Variants in DDX46 observed in about 807,000 individuals in gnomAD.
DDX46 encodes probable ATP-dependent RNA helicase DDX46.
A neutral mutation model predicts 134.9 loss-of-function variants in DDX46; 30 were observed. The observed-to-expected ratio is 0.22, with a 90% confidence interval of 0.17 to 0.30. The LOEUF is 0.30. Ranked by LOEUF, DDX46 falls within the 10% of genes least tolerant of loss-of-function variation. The probability of loss-of-function intolerance (pLI) is 1.00; values close to 1 mark genes in which losing one functional copy is unlikely to be tolerated. For missense variants in DDX46, 622 were observed against 1,248.7 expected (o/e 0.50, Z 7.56); for synonymous variants, 415 against 404.1 (o/e 1.03, Z -0.32).
Position 134,827,693 on chromosome 5 carries a change from G to A in DDX46, c.3051+673G>A, listed in dbSNP as rs1442903244. On this transcript the variant is annotated intron_variant, in intron 22 of 22. Transcript: ENST00000452510. ...CTTCACTCAACATTTTGAGGAGATC[G>A]GTCCATGTTATTGCATGTAGCAATA... Among the ~76,000 whole-genome samples, 5 of 151,836 alleles carry A rather than the reference G, an allele frequency of 3.3e-5. No homozygotes were observed. In the East Asian group the frequency reaches 7.7e-4, roughly 23 times the overall value.
At chr5:134,786,593 C>G (rs549392588) in intron 11 of DDX46, among the ~76,000 whole-genome samples, 2 of 152,100 alleles carry the variant, frequency 1.3e-5, no homozygotes, top group South Asian at 4.2e-4. Context: ...GCCTGTAATC[C>G]CAGCGCTTTG....
chr5:134,783,793 C>T (rs1022996819), intron 9 of DDX46, among the ~76,000 whole-genome samples: 10 of 151,132 alleles, frequency 6.6e-5, no homozygotes, highest in Admixed American at 2.0e-4. Flanking sequence ...AGATGATCCA[C>T]CCGCTGCGGC....
intron 15 of DDX46, chr5:134,805,160 A>G (rs1754944928): frequency 5.9e-6 from 1 of 170,922 alleles, no homozygotes. Context: ...AACACCCCTG[A>G]AAGAAGAACT....
chr5:134,809,819 A>C (rs543955828), intron 16 of DDX46, among the ~76,000 whole-genome samples: 1 of 152,124 alleles, frequency 6.6e-6, no homozygotes, highest in Non-Finnish European at 1.5e-5. Context: ...GACCAGCCTG[A>C]CCAACATGGA....
At chr5:134,823,157 C>CTTTTTTTTT (rs201053941) in intron 21 of DDX46, among the ~76,000 whole-genome samples, 2 of 111,220 alleles carry the variant, frequency 1.8e-5, no homozygotes. Context: ...TTAATTTCAT[C>CTTTTTTTTT]TTTTTTTTTT....
chr5:134,774,029 G>A (rs945548461), intron 5 of DDX46, among the ~76,000 whole-genome samples, 168 bp downstream of exon 5: 1 of 152,108 alleles, frequency 6.6e-6, no homozygotes, highest in South Asian at 2.1e-4. Flanking sequence ...TACATTTGCA[G>A]TGTTGTGCAG....
chr5:134,807,378 C>T (rs1044132241), intron 15 of DDX46, among the ~76,000 whole-genome samples: 2 of 152,030 alleles, frequency 1.3e-5, no homozygotes, highest in African/African-American at 2.4e-5. Context: ...TGGACAAAAC[C>T]GAGTAGCAAG....
At chr5:134,814,460 G>A (rs544936374) in intron 18 of DDX46, among the ~76,000 whole-genome samples, 3 of 152,288 alleles carry the variant, frequency 2.0e-5, no homozygotes, top group South Asian at 4.1e-4. Context: ...AGCTCTACCA[G>A]CTAGCATTGT....
chr5:134,831,047 TG>T lies in DDX46; in HGVS notation c.*2342del, dbSNP rs1295140740. On this transcript the variant is annotated 3_prime_UTR_variant, in exon 23 of 23. Transcript: ENST00000452510. ...TAAAATTTGAATGATATATAGACTT[TG>T]TTTTTTTAATGCAATATGAATATTT... is the stretch of plus-strand genomic sequence containing the variant. The T allele has an allele frequency of 1.3e-5, 2 of 152,456 alleles. No homozygotes were observed. Among genetic ancestry groups the T allele is most frequent in the African/African-American group, 2.4e-5 (1 of 41,468 alleles). The allele number at this position is 152,456 out of a possible 1,614,324, so 9.4% of individuals were successfully genotyped here.
chr5:134,767,144 T>G, intron 3 of DDX46, 84 bp downstream of exon 3: 1 of 1,479,088 alleles, frequency 6.8e-7, no homozygotes, highest in Non-Finnish European at 9.0e-7. Context: ...TCCCTGTAAG[T>G]TTGTATTTAT....
intron 13 of DDX46, among the ~76,000 whole-genome samples, chr5:134,792,387 G>A (rs905574954): frequency 6.6e-6 from 1 of 152,064 alleles, no homozygotes. Context: ...AACATTATTT[G>A]GAGAGGAAAC....
At chr5:134,766,878 A>G in intron 2 of DDX46, 39 bp from the exon 3 acceptor site, 1 of 1,587,756 alleles carries the variant, frequency 6.3e-7, no homozygotes. Flanking sequence ...TAGTAGCTCC[A>G]TTTGGTCATA....
chr5:134,780,136 G>GTGTA lies in DDX46; in HGVS notation c.766-995_766-992dup, dbSNP rs1554148812. 1.4e-3 allele frequency among the ~76,000 whole-genome samples: 202 copies of GTGTA among 147,394 alleles called. 1 individual carries two copies. The highest frequency in any genetic ancestry group is 4.8e-3 in the African/African-American group (194 of 40,106). Reference sequence around the variant, plus strand: ...TGTGTGTGTGTGTGTGTGTGTGTGTGTGTATATGTATATATGTGCATGTAT... The same window carrying GTGTA: ...TGTGTGTGTGTGTGTGTGTGTGTGTGTGTATGTATATGTATATATGTGCATGTAT... On this transcript the variant is annotated intron_variant, in intron 6 of 22. Transcript: ENST00000452510.
At chr5:134,814,391 A>G (rs540215112) in intron 18 of DDX46, among the ~76,000 whole-genome samples, 5 of 152,348 alleles carry the variant, frequency 3.3e-5, no homozygotes, top group Admixed American at 1.3e-4. Context: ...TTAAAGTAAT[A>G]TATAATTTTA....
intron 15 of DDX46, among the ~76,000 whole-genome samples, chr5:134,807,426 C>T (rs1039312388): frequency 2.0e-5 from 3 of 152,166 alleles, no homozygotes; most frequent in African/African-American, 7.2e-5. Flanking sequence ...AAAGATCTAA[C>T]TCTTGTCAAT....
rs191616089 is a variant in DDX46, at chr5:134,761,628, A to G, written c.18-2276A>G. ...GGCTAATATTTCAACTATATACTAT[A>G]TATCTCCACTTGGATACCTAATATT... On this transcript the variant is annotated intron_variant, in intron 1 of 22. Coordinates refer to ENST00000452510, the MANE Select transcript of DDX46 (RefSeq NM_001300860.2). 3.7e-3 allele frequency among the ~76,000 whole-genome samples: 565 copies of G among 152,332 alleles called. 4 individuals carry two copies. The highest frequency in any genetic ancestry group is 0.01 in the Middle Eastern group (3 of 294).
intron 20 of DDX46, among the ~76,000 whole-genome samples, chr5:134,818,325 C>G (rs887272017): frequency 5.4e-4 from 82 of 151,538 alleles, no homozygotes; most frequent in African/African-American, 1.9e-3. Flanking sequence ...AACTCCCAAC[C>G]TCAGGTGATC....
At chr5:134,794,599 T>C (rs1031618099) in intron 13 of DDX46, among the ~76,000 whole-genome samples, 31 of 152,218 alleles carry the variant, frequency 2.0e-4, no homozygotes, top group African/African-American at 7.0e-4. Context: ...ATCCTAGATA[T>C]AATTTGAAGA....
chr5:134,783,873 T>A (rs920963584), intron 9 of DDX46, among the ~76,000 whole-genome samples: 1 of 146,408 alleles, frequency 6.8e-6, no homozygotes, highest in Admixed American at 6.9e-5. Flanking sequence ...TTTTAAGAGA[T>A]GGGGTGTCGC....
Sources: allele counts gnomAD v4.1 joint callset (sites outside exome capture counted in the v4.1 genomes callset), GRCh38; gene constraint gnomAD v4.1.1; transcripts MANE v1.5; gene names NCBI Gene and HGNC (gene_info 2026-07-23, HGNC 2026-07-21).